The following PRDM11 variants were observed in gnomAD, a reference collection of about 807,000 sequenced individuals.
The protein encoded by PRDM11 is PR/SET domain 11.
In PRDM11, 20 loss-of-function variants were observed where a neutral mutation model predicts 97.8. The observed-to-expected ratio is 0.20, with a 90% CI of 0.14 to 0.30. The LOEUF is 0.30. Ranked by LOEUF, PRDM11 falls within the 10% of genes least tolerant of loss-of-function variation. The pLI is 1.00. For missense variants in PRDM11, 1,139 were observed against 1,555.2 expected (o/e 0.73, Z 4.50); for synonymous variants, 599 against 637.7 (o/e 0.94, Z 0.91).
At chr11:45,166,320 A>G (rs562659228) in intron 1 of PRDM11, among the ~76,000 whole-genome samples, 3 of 152,264 alleles carry the variant, frequency 2.0e-5, no homozygotes, top group South Asian at 2.1e-4. Context: ...TCGCCCTTCT[A>G]TCCTTTCAGC....
upstream of PRDM11, among the ~76,000 whole-genome samples, chr11:45,145,063 G>A (rs868432905): frequency 9.3e-5 from 14 of 150,944 alleles, no homozygotes; most frequent in African/African-American, 2.7e-4. Context: ...CAGTTGCATT[G>A]AACCTCATAT....
chr11:45,178,989 G>A (rs1852400600), intron 1 of PRDM11, among the ~76,000 whole-genome samples: 1 of 152,236 alleles, frequency 6.6e-6, no homozygotes, highest in African/African-American at 2.4e-5. Context: ...CATGGGGCTA[G>A]GAGAGGGTGT....
intron 4 of PRDM11, among the ~76,000 whole-genome samples, chr11:45,197,913 C>G (rs1484422405): frequency 6.6e-6 from 1 of 151,988 alleles, no homozygotes; most frequent in Non-Finnish European, 1.5e-5. Flanking sequence ...GGAGATATAC[C>G]TAATGTAAAT....
chr11:45,198,055 G>A (rs1048340352), intron 4 of PRDM11, among the ~76,000 whole-genome samples: 1 of 152,108 alleles, frequency 6.6e-6, no homozygotes, highest in African/African-American at 2.4e-5. Flanking sequence ...ATTAATAAAA[G>A]GAAGTTCTCA....
At chr11:45,108,984 G>A (rs16938171) in intron 1 of PRDM11, among the ~76,000 whole-genome samples, 5,194 of 152,314 alleles carry the variant, frequency 0.034, 295 homozygotes, top group African/African-American at 0.11. Flanking sequence ...GGCTTTAAAT[G>A]ACTTCCAGTG....
rs1432792098 is a variant in PRDM11, at chr11:45,226,836, A to G, written c.2211A>G (p.Thr737=). 2.0e-6 allele frequency: 3 copies of G among 1,533,200 alleles called. No individual in the cohort carries two copies. In the African/African-American group the frequency reaches 4.1e-5, roughly 21 times the overall value. The allele number at this position is 1,533,200 out of a possible 1,614,324, so 95.0% of individuals were successfully genotyped here. A position where few individuals can be genotyped will look rare whatever the true frequency, so the allele number is the denominator to read the frequency against. ...TGGGTGTAGATGGAGCCAACATCAC[A>G]GCCAGCCTCCGTGCCAGCATGTTCA... The part of the protein sequence containing the change: ...VGLGVDGANI[T]ASLRASMFMT... The change falls in exon 8 of 8, where the codon ACA becomes ACG. Residue 737 remains threonine, a synonymous_variant. Transcript: ENST00000683152.
intron 5 of PRDM11, 76 bp downstream of exon 5, chr11:45,204,854 G>A: frequency 6.8e-7 from 1 of 1,462,526 alleles, no homozygotes; most frequent in Non-Finnish European, 9.6e-7. Context: ...TGTTGGACCT[G>A]TGGGAGCTCC....
chr11:45,208,258 C>T (rs768666889), intron 5 of PRDM11, among the ~76,000 whole-genome samples: 16 of 152,268 alleles, frequency 1.1e-4, no homozygotes, highest in Non-Finnish European at 1.0e-4. Flanking sequence ...CTGACCGGGA[C>T]GGGGAAGGGG....
chr11:45,197,288 G>A (rs1181266770), intron 4 of PRDM11, among the ~76,000 whole-genome samples: 1 of 152,132 alleles, frequency 6.6e-6, no homozygotes, highest in Non-Finnish European at 1.5e-5. Context: ...GGAGGAATCT[G>A]AAATAGTCAA....
chr11:45,129,864 C>T (rs528135952), intron 1 of PRDM11, among the ~76,000 whole-genome samples: 3 of 152,138 alleles, frequency 2.0e-5, no homozygotes, highest in African/African-American at 7.2e-5. Flanking sequence ...GGACTCGTAC[C>T]ATCAGATATA....
Position 45,219,729 on chromosome 11 carries a change from G to A in PRDM11, c.714G>A (p.Gln238=). 1 of 1,613,914 alleles carries A rather than the reference G, an allele frequency of 6.2e-7. No homozygotes were observed. Among genetic ancestry groups the A allele is most frequent in the African/African-American group, 1.3e-5 (1 of 75,040 alleles). ...TGAAGCGCCTGCACAGCATGTCCCA[G>A]GAAACCATTCACCGCAACCTGGCCA... The part of the protein sequence containing the change: ...DYMKRLHSMS[Q]ETIHRNLARG... The change falls in exon 6 of 8, where the codon CAG becomes CAA. Residue 238 remains glutamine (Q), a synonymous_variant. Coordinates refer to ENST00000683152, the MANE Select transcript of PRDM11 (RefSeq NM_001384648.1). This position sits in a 1 kb window ranked among gnomAD's most constrained non-coding sequence, Gnocchi z 4.2.
intron 1 of PRDM11, among the ~76,000 whole-genome samples, chr11:45,118,229 A>G (rs1392947884): frequency 6.6e-6 from 1 of 152,210 alleles, no homozygotes; most frequent in African/African-American, 2.4e-5. Context: ...GGAGAAAAAC[A>G]ACAAAACAAA....
At chr11:45,166,281 G>A (rs886687898) in intron 1 of PRDM11, among the ~76,000 whole-genome samples, 1 of 152,136 alleles carries the variant, frequency 6.6e-6, no homozygotes, top group African/African-American at 2.4e-5. Flanking sequence ...GTGGCACAGT[G>A]GTTGGCTGTG....
chr11:45,158,841 G>A (rs1383414107), intron 1 of PRDM11, among the ~76,000 whole-genome samples: 2 of 152,106 alleles, frequency 1.3e-5, no homozygotes, highest in Non-Finnish European at 2.9e-5. Context: ...GTTGTGCATG[G>A]CTTCTGCCAC....
intron 1 of PRDM11, among the ~76,000 whole-genome samples, chr11:45,125,922 C>T (rs1469509455): frequency 1.4e-4 from 22 of 152,118 alleles, no homozygotes; most frequent in Non-Finnish European, 3.2e-4. Flanking sequence ...GTTGATCTGT[C>T]TAATGTTGAC....
chr11:45,183,270 G>A, intron 4 of PRDM11, 147 bp downstream of exon 4: 2 of 1,179,880 alleles, frequency 1.7e-6, no homozygotes, highest in South Asian at 3.3e-5. Context: ...GCTGTCCCCT[G>A]GCCCCGGCTG....
At chr11:45,138,332 G>A (rs568569967) in intron 1 of PRDM11, among the ~76,000 whole-genome samples, 12 of 152,310 alleles carry the variant, frequency 7.9e-5, no homozygotes, top group South Asian at 6.2e-4. Flanking sequence ...TTGGGCAGCC[G>A]AGGAGGGAGG....
chr11:45,151,037 G>A (rs1271829019), intron 1 of PRDM11, among the ~76,000 whole-genome samples: 3 of 152,214 alleles, frequency 2.0e-5, no homozygotes, highest in African/African-American at 7.2e-5. Context: ...AGTGAGGGCA[G>A]AGAACCCCAA....
intron 1 of PRDM11, among the ~76,000 whole-genome samples, chr11:45,136,543 A>G (rs544837052): frequency 1.3e-5 from 2 of 152,328 alleles, no homozygotes; most frequent in South Asian, 4.1e-4. Flanking sequence ...CTGAGTACCC[A>G]ATGCGGGGCA....
Sources: allele counts gnomAD v4.1 joint callset (sites outside exome capture counted in the v4.1 genomes callset), GRCh38; gene constraint gnomAD v4.1.1; non-coding constraint Gnocchi (gnomAD v3.1); transcripts MANE v1.5; gene names NCBI Gene and HGNC (gene_info 2026-07-23, HGNC 2026-07-21).